The following VPS8 variants were observed in gnomAD, a reference collection of about 807,000 sequenced individuals.
The protein encoded by VPS8 is VPS8 subunit of CORVET complex.
VPS8 carries 129 observed loss-of-function variants against 216.4 expected under a neutral mutation model. The ratio of observed to expected loss-of-function variants is 0.60; its 90% CI spans 0.52 to 0.69. The LOEUF is 0.69. VPS8 is among the 30% of genes least tolerant of loss of function. VPS8 has a pLI of 0.00. For missense variants in VPS8, 1,531 were observed against 1,683.5 expected (o/e 0.91, Z 1.59); for synonymous variants, 571 against 565.4 (o/e 1.01, Z -0.14).
At chr3:184,840,072 G>A in intron 7 of VPS8, 1 of 271,946 alleles carries the variant, frequency 3.7e-6, no homozygotes, top group Non-Finnish European at 5.9e-6. Flanking sequence ...GTTGGTGGTG[G>A]GGATTTTTGA....
rs140350164 is a variant in VPS8, at chr3:185,014,583, G to A, written c.4003-9753G>A. 3.9e-3 allele frequency among the ~76,000 whole-genome samples: 598 copies of A among 152,296 alleles called. 5 individuals are homozygous for A. The highest frequency in any genetic ancestry group is 0.013 in the African/African-American group (559 of 41,558). On this transcript the variant is annotated intron_variant, in intron 45 of 47. Transcript: ENST00000625842. ...GCTTCTGTCTTTGCAGCTGGTTTCT[G>A]TAGATGCTGTTCAGCTGCTGATAGC...
intron 21 of VPS8, among the ~76,000 whole-genome samples, chr3:184,877,262 C>T (rs1729436267): frequency 6.6e-6 from 1 of 152,170 alleles, no homozygotes. Flanking sequence ...CATTCAATGT[C>T]AGTTTTCTGC....
chr3:184,971,348 C>A (rs745925496), intron 39 of VPS8, among the ~76,000 whole-genome samples: 2 of 152,174 alleles, frequency 1.3e-5, no homozygotes, highest in Non-Finnish European at 2.9e-5. Flanking sequence ...GAATGATAAT[C>A]TCTCTAGTAA....
intron 36 of VPS8, among the ~76,000 whole-genome samples, chr3:184,945,412 A>G (rs1743503160): frequency 1.3e-5 from 2 of 152,070 alleles, no homozygotes; most frequent in Non-Finnish European, 2.9e-5. Flanking sequence ...CAGAGAATTT[A>G]CATTCTAATG....
intron 38 of VPS8, among the ~76,000 whole-genome samples, chr3:184,965,080 G>A (rs917323913): frequency 1.3e-5 from 2 of 152,136 alleles, no homozygotes; most frequent in Admixed American, 6.6e-5. Flanking sequence ...CAGTTTCTCC[G>A]CATTCTTGCT....
rs1450781017 is a variant in VPS8, at chr3:184,936,318, G to A, written c.2971G>A (p.Val991Ile). 6.2e-7 allele frequency: 1 copy of A among 1,610,552 alleles called. No individual in the cohort carries two copies. Among genetic ancestry groups the A allele is most frequent in the Non-Finnish European group, 8.5e-7 (1 of 1,178,386 alleles). Reference protein sequence around the residue: ...ATHFSGHIETVIKKLQNQVLL... With the variant: ...ATHFSGHIETIIKKLQNQVLL... The stretch of plus-strand genomic sequence containing the variant: ...CCACTTTTCTGGACATATTGAAACG[G>A]TCATTAAAAAACTTCAGGTACATAT... The change falls in exon 35 of 48, where the codon GTC becomes ATC. Residue 991 changes from valine to isoleucine, a missense_variant. Around this residue, in one of 3 missense-constraint regions of VPS8, gnomAD observed 1,318 missense variants for 1,468.4 expected, o/e 0.90. Coordinates refer to ENST00000625842, the MANE Select transcript of VPS8 (RefSeq NM_001009921.3).
intron 31 of VPS8, among the ~76,000 whole-genome samples, chr3:184,927,371 C>T (rs947450903): frequency 1.1e-4 from 16 of 152,226 alleles, no homozygotes; most frequent in African/African-American, 3.9e-4. Flanking sequence ...TTGAGACTAT[C>T]GGATAGCAAC....
At chr3:185,017,315 T>C (rs577729795) in intron 45 of VPS8, among the ~76,000 whole-genome samples, 8 of 152,330 alleles carry the variant, frequency 5.3e-5, no homozygotes, top group South Asian at 2.1e-4. Flanking sequence ...TTGAAATGTC[T>C]GCTCCTGTAT....
At chr3:184,949,700 T>TG (rs1744305740) in intron 36 of VPS8, among the ~76,000 whole-genome samples, 1 of 152,216 alleles carries the variant, frequency 6.6e-6, no homozygotes, top group Admixed American at 6.5e-5. Context: ...CTTTACTACC[T>TG]GTAATAATCA....
At chr3:184,940,288 A>ATATATG in intron 36 of VPS8, 45 bp downstream of exon 36, 5 of 802,534 alleles carry the variant, frequency 6.2e-6, no homozygotes, top group Non-Finnish European at 8.5e-6. Flanking sequence ...ATATATATAT[A>ATATATG]TGAGAAATAA....
At chr3:184,818,916 C>T (rs1033561625) in intron 1 of VPS8, among the ~76,000 whole-genome samples, 1 of 152,066 alleles carries the variant, frequency 6.6e-6, no homozygotes, top group Non-Finnish European at 1.5e-5. Context: ...CTGGTAGTTG[C>T]AGCTACTTGG....
chr3:184,944,759 G>C (rs1172791557), intron 36 of VPS8, among the ~76,000 whole-genome samples: 2 of 152,068 alleles, frequency 1.3e-5, no homozygotes, highest in African/African-American at 2.4e-5. Flanking sequence ...TCAAAGTAAA[G>C]TAAAAATTGA....
intron 16 of VPS8, among the ~76,000 whole-genome samples, chr3:184,866,583 C>G (rs1296857269): frequency 6.6e-6 from 1 of 152,100 alleles, no homozygotes; most frequent in Admixed American, 6.5e-5. Context: ...AAGCAATTGA[C>G]TGTTTAAAAC....
intron 42 of VPS8, among the ~76,000 whole-genome samples, chr3:184,987,579 C>G (rs1577072018): frequency 6.6e-6 from 1 of 152,230 alleles, no homozygotes; most frequent in East Asian, 1.9e-4. Flanking sequence ...TTCTTTTTAT[C>G]TCTGTATATT....
intron 45 of VPS8, among the ~76,000 whole-genome samples, chr3:185,000,612 C>T (rs1188868560): frequency 3.5e-5 from 5 of 141,042 alleles, no homozygotes; most frequent in Admixed American, 7.1e-5. Flanking sequence ...CTTTTCGTTT[C>T]TTTTTTTTTT....
At chr3:184,894,507 C>CTTATATATATAT (rs201827320) in intron 22 of VPS8, among the ~76,000 whole-genome samples, 196 bp from the exon 23 acceptor site, 3 of 91,930 alleles carry the variant, frequency 3.3e-5, no homozygotes, top group South Asian at 3.4e-4. Context: ...TATATACACA[C>CTTATATATATAT]GTATATATAT....
intron 8 of VPS8, 27 bp from the exon 9 acceptor site, chr3:184,849,044 C>T: frequency 6.2e-7 from 1 of 1,610,926 alleles, no homozygotes; most frequent in Non-Finnish European, 8.5e-7. Context: ...ATTTCCTTCA[C>T]TTGACTTTAA....
At chr3:185,010,698 A>G (rs1444050752) in intron 45 of VPS8, among the ~76,000 whole-genome samples, 1 of 152,168 alleles carries the variant, frequency 6.6e-6, no homozygotes, top group Non-Finnish European at 1.5e-5. Flanking sequence ...TCAAACACAG[A>G]AAGAAGACTA....
intron 25 of VPS8, among the ~76,000 whole-genome samples, chr3:184,905,332 A>C (rs1735299297): frequency 6.6e-6 from 1 of 152,096 alleles, no homozygotes; most frequent in South Asian, 2.1e-4. Flanking sequence ...GTAGTTTTTA[A>C]ATTTCTAGAC....
Sources: gnomAD v4.1 joint callset for allele counts (sites outside exome capture counted in the v4.1 genomes callset) on GRCh38, gnomAD v4.1.1 for gene constraint, gnomAD v4.1.1 regional missense constraint, MANE v1.5 for transcripts, NCBI Gene and HGNC (gene_info 2026-07-23, HGNC 2026-07-21) for gene names.